Variants in NDUFS1 observed in about 807,000 individuals in gnomAD.
The protein encoded by NDUFS1 is NADH:ubiquinone oxidoreductase core subunit S1.
NDUFS1 carries 61 observed loss-of-function variants against 84.4 expected under a neutral mutation model. That is an observed-to-expected ratio of 0.72 (90% CI 0.59 to 0.89). The LOEUF is 0.89. Ranked by LOEUF, NDUFS1 falls within the 40% of genes least tolerant of loss-of-function variation. The pLI, the probability that NDUFS1 is intolerant of heterozygous loss-of-function variation, is 0.00. For synonymous variants in NDUFS1, 275 were observed against 290.0 expected (o/e 0.95, Z 0.53); for missense variants, 891 against 890.0 (o/e 1.00, Z -0.01).
At chr2:206,125,523 A>G (rs985834570) in intron 18 of NDUFS1, among the ~76,000 whole-genome samples, 1 of 151,644 alleles carries the variant, frequency 6.6e-6, no homozygotes, top group Non-Finnish European at 1.5e-5. Flanking sequence ...TTACATATAA[A>G]TAACAATAGT....
intron 12 of NDUFS1, among the ~76,000 whole-genome samples, chr2:206,140,855 C>T (rs1575971956): frequency 6.6e-6 from 1 of 151,060 alleles, no homozygotes; most frequent in East Asian, 1.9e-4. Context: ...TAAAAGGGCA[C>T]CATGTCCACC....
In NDUFS1 at chr2:206,138,519, T is replaced by TG. The variant is rs1559051818; in HGVS notation, c.1357dup (p.Gln453ProfsTer11). The TG allele has an allele frequency of 1.2e-6, 2 of 1,614,004 alleles. No individual in the cohort carries two copies. Among genetic ancestry groups the TG allele is most frequent in the Non-Finnish European group, 1.7e-6 (2 of 1,179,996 alleles). The stretch of plus-strand genomic sequence containing the variant: ...TGGATGGCTTCCCGAAGCAATGTCT[T>TG]GAAGAATTTTGGGGGAGTCTCCCAG... On this transcript the variant is annotated frameshift_variant, in exon 13 of 19. Coordinates refer to ENST00000233190, the MANE Select transcript of NDUFS1 (RefSeq NM_005006.7). LOFTEE classifies it high-confidence loss of function.
Position 206,159,337 on chromosome 2 carries a change from T to G in NDUFS1, c.-5+4A>C. ...TCACCCTTCCCATCCATACAAGACC[T>G]CACCTTCTCCCCGGAGCCGCGGAGG... On this transcript the variant is annotated splice_donor_region_variant and intron_variant, in intron 1 of 18. Coordinates refer to ENST00000233190, the MANE Select transcript of NDUFS1 (RefSeq NM_005006.7). The G allele has an allele frequency of 1.6e-6, 1 of 609,374 alleles. No individual in the cohort carries two copies. Among genetic ancestry groups the G allele is most frequent in the Non-Finnish European group, 2.9e-6 (1 of 343,050 alleles). The allele number at this position is 609,374 out of a possible 1,614,324, so 37.7% of individuals were successfully genotyped here.
chr2:206,141,326 C>T (rs1040924227), intron 12 of NDUFS1, among the ~76,000 whole-genome samples: 8 of 151,506 alleles, frequency 5.3e-5, no homozygotes, highest in African/African-American at 1.9e-4. Context: ...GGGCGGATCA[C>T]AAGGTCAGGA....
At chr2:206,131,967 TAAA>T (rs1691529813) in intron 14 of NDUFS1, among the ~76,000 whole-genome samples, 1 of 150,074 alleles carries the variant, frequency 6.7e-6, no homozygotes, top group African/African-American at 2.5e-5. Context: ...AATAATAAAA[TAAA>T]AAAATTAGCC....
chr2:206,143,714 C>T (rs1056115373), intron 10 of NDUFS1, among the ~76,000 whole-genome samples: 2 of 152,046 alleles, frequency 1.3e-5, no homozygotes, highest in Non-Finnish European at 2.9e-5. Flanking sequence ...ATTCCTCCTA[C>T]GTGCTCTCAC....
chr2:206,142,640 C>T, intron 11 of NDUFS1, 46 bp downstream of exon 11: 1 of 1,610,738 alleles, frequency 6.2e-7, no homozygotes, highest in Non-Finnish European at 8.5e-7. Context: ...TAACTTGTAA[C>T]TAAAAAAAGA....
intron 15 of NDUFS1, among the ~76,000 whole-genome samples, chr2:206,129,421 C>A (rs1691420068): frequency 6.6e-6 from 1 of 151,968 alleles, no homozygotes; most frequent in Admixed American, 6.6e-5. Flanking sequence ...CAGCAACACG[C>A]CTAGCTAATT....
chr2:206,120,694 A>C lies in NDUFS1; in HGVS notation c.*3491T>G, dbSNP rs1370544554. 2 of 152,264 alleles carry C rather than the reference A, an allele frequency of 1.3e-5. No homozygotes were observed. Among genetic ancestry groups the C allele is most frequent in the East Asian group, 3.8e-4 (2 of 5,200 alleles). The allele number at this position is 152,264 out of a possible 1,614,324, so 9.4% of individuals were successfully genotyped here. A position where few individuals can be genotyped will look rare whatever the true frequency, so the allele number is the denominator to read the frequency against. On this transcript the variant is annotated 3_prime_UTR_variant, in exon 19 of 19. Transcript: ENST00000233190. ...AGCCTACAATCAGATATGGAAGCAAAGAAATAACTTAAAGTTGGAACATAT... is the reference window on the plus strand; with the variant it reads ...AGCCTACAATCAGATATGGAAGCAACGAAATAACTTAAAGTTGGAACATAT...
intron 13 of NDUFS1, among the ~76,000 whole-genome samples, chr2:206,136,005 T>C (rs1431643921): frequency 6.6e-6 from 1 of 151,458 alleles, no homozygotes; most frequent in East Asian, 1.9e-4. Flanking sequence ...AGGCTCTCTT[T>C]GATGATATGC....
intron 3 of NDUFS1, among the ~76,000 whole-genome samples, chr2:206,152,019 C>T (rs1395311493): frequency 4.6e-5 from 7 of 152,270 alleles, no homozygotes; most frequent in South Asian, 2.1e-4. Context: ...GTGCGCGCCA[C>T]GATGCGCAGC....
intron 14 of NDUFS1, 130 bp from the exon 15 acceptor site, chr2:206,130,372 G>A (rs578093766): frequency 2.2e-5 from 26 of 1,204,112 alleles, no homozygotes; most frequent in Admixed American, 1.3e-4. Flanking sequence ...TTTTTTTCTC[G>A]GCGATAGAGT....
At chr2:206,156,016 C>A (rs890286829) in intron 1 of NDUFS1, among the ~76,000 whole-genome samples, 1 of 151,632 alleles carries the variant, frequency 6.6e-6, no homozygotes, top group Non-Finnish European at 1.5e-5. Context: ...GTAATCCCAG[C>A]ACTTTGGGAG....
At chr2:206,128,501 G>C (rs1241905881) in intron 15 of NDUFS1, among the ~76,000 whole-genome samples, 1 of 151,260 alleles carries the variant, frequency 6.6e-6, no homozygotes. Context: ...TTGGGGGCCA[G>C]GTGTGGTGGC....
intron 15 of NDUFS1, among the ~76,000 whole-genome samples, chr2:206,129,393 G>C (rs1410276385): frequency 6.6e-6 from 1 of 151,942 alleles, no homozygotes; most frequent in Non-Finnish European, 1.5e-5. Context: ...CTCCTAAGTA[G>C]CTGGGATCAC....
chr2:206,145,064 G>T, intron 8 of NDUFS1, 38 bp from the exon 9 acceptor site: 1 of 1,540,646 alleles, frequency 6.5e-7, no homozygotes, highest in Non-Finnish European at 8.8e-7. Context: ...GGTGCTTTTG[G>T]GAATAAAGAA....
intron 14 of NDUFS1, among the ~76,000 whole-genome samples, chr2:206,132,215 A>G (rs1299015389): frequency 6.6e-6 from 1 of 152,222 alleles, no homozygotes; most frequent in Non-Finnish European, 1.5e-5. Flanking sequence ...ACATTGTAGA[A>G]TAAGGATCAG....
In NDUFS1 at chr2:206,120,132, A is replaced by G. The variant is rs1196105344; in HGVS notation, c.*4053T>C. 6.6e-6 allele frequency: 1 copy of G among 152,358 alleles called. No homozygotes were observed. The highest frequency in any genetic ancestry group is 2.4e-5 in the African/African-American group (1 of 41,450). The allele number at this position is 152,358 out of a possible 1,614,324, so 9.4% of individuals were successfully genotyped here. A position where few individuals can be genotyped will look rare whatever the true frequency, so the allele number is the denominator to read the frequency against. On this transcript the variant is annotated 3_prime_UTR_variant, in exon 19 of 19. Transcript: ENST00000233190. Reference sequence around the variant, plus strand: ...TGATTGTAAGCTTCCTGAGGCCCTCATCAGAAGCAGCTGCTGGTGCCATGC... The same window carrying G: ...TGATTGTAAGCTTCCTGAGGCCCTCGTCAGAAGCAGCTGCTGGTGCCATGC...
chr2:206,140,932 A>ACACACACACATATACAC (rs918967454), intron 12 of NDUFS1, among the ~76,000 whole-genome samples: 14 of 137,244 alleles, frequency 1.0e-4, no homozygotes, highest in African/African-American at 3.4e-4. Context: ...GTATATATAT[A>ACACACACACATATACAC]TATATATATA....
Sources: allele counts gnomAD v4.1 joint callset (sites outside exome capture counted in the v4.1 genomes callset), GRCh38; gene constraint gnomAD v4.1.1; transcripts MANE v1.5; gene names NCBI Gene and HGNC (gene_info 2026-07-23, HGNC 2026-07-21).